Variants in ITPR2 observed in about 807,000 individuals in gnomAD.
ITPR2 encodes inositol 1,4,5-trisphosphate receptor type 2.
Under a neutral mutation model 317.1 loss-of-function variants are expected in ITPR2, and 207 were observed. The observed-to-expected ratio is 0.65, with a 90% CI of 0.58 to 0.73. The LOEUF (loss-of-function observed/expected upper bound fraction) is 0.73. Ranked by LOEUF, ITPR2 falls within the 30% of genes least tolerant of loss-of-function variation. The pLI is 0.00. For synonymous variants in ITPR2, 1,156 were observed against 1,149.1 expected, an observed-to-expected ratio of 1.01 and a Z score of -0.12; for missense variants, 2,613 against 3,284.0, an observed-to-expected ratio of 0.80 and a Z score of 4.99.
intron 2 of ITPR2, among the ~76,000 whole-genome samples, chr12:26,755,535 G>C (rs866655297): frequency 6.6e-6 from 1 of 152,248 alleles, no homozygotes; most frequent in Admixed American, 6.5e-5. Context: ...GTTATTTAAG[G>C]CTTGTAACAA....
intron 55 of ITPR2, among the ~76,000 whole-genome samples, chr12:26,359,951 C>CGTGCCCACTTTTTA (rs1412734336): frequency 1.3e-5 from 2 of 152,172 alleles, no homozygotes; most frequent in Non-Finnish European, 2.9e-5. Context: ...TTCGCCTCTA[C>CGTGCCCACTTTTTA]GTGCCCACTT....
chr12:26,602,678 T>C lies in ITPR2; in HGVS notation c.3491A>G (p.Asp1164Gly), dbSNP rs1323160881. The change falls in exon 27 of 57, where the codon GAT becomes GGT. Residue 1164 changes from aspartate (D) to glycine (G), a missense_variant. This residue lies in a region of ITPR2 where 817 missense variants were observed against 897.6 expected (regional missense o/e 0.91). Transcript: ENST00000381340. ...EESNILSPVQ[D>G]GTKKPQIDSN... ...GTCAATCTGAGGTTTCTTTGTTCCA[T>C]CCTGCACTGGACTTAAAATGTTTGA... 6.2e-7 allele frequency: 1 copy of C among 1,607,830 alleles called. No individual in the cohort carries two copies. The highest frequency in any genetic ancestry group is 1.7e-5 in the Admixed American group (1 of 59,918).
At chr12:26,622,526 C>A in intron 24 of ITPR2, 121 bp from the exon 25 acceptor site, 1 of 706,166 alleles carries the variant, frequency 1.4e-6, no homozygotes, top group Non-Finnish European at 2.2e-6. Flanking sequence ...AGGAAGTGAA[C>A]AGGAAAACAT....
chr12:26,465,867 A>C (rs1942159324), intron 45 of ITPR2, among the ~76,000 whole-genome samples: 1 of 152,158 alleles, frequency 6.6e-6, no homozygotes, highest in African/African-American at 2.4e-5. Context: ...ATGTGGTCTC[A>C]AGGAGGGAGA....
Position 26,475,415 on chromosome 12 carries a change from C to A in ITPR2, c.6223G>T (p.Asp2075Tyr). 1 of 1,605,932 alleles carries A rather than the reference C, an allele frequency of 6.2e-7. No homozygotes were observed. Among genetic ancestry groups the A allele is most frequent in the Non-Finnish European group, 8.5e-7 (1 of 1,177,796 alleles). The change falls in exon 45 of 57, where the codon GAT becomes TAT. Residue 2075 changes from aspartate (D) to tyrosine (Y), a missense_variant. Around this residue, in one of 9 missense-constraint regions of ITPR2, gnomAD observed 926 missense variants for 1,072.8 expected, o/e 0.86. Coordinates refer to ENST00000381340, the MANE Select transcript of ITPR2 (RefSeq NM_002223.4). ...LFNMRPRELV[D>Y]VMKNAYNQGL... Reference sequence around the variant, plus strand: ...TGGTTATAGGCATTCTTCATCACATCCACCTATCCAAAAAAAAAAAGAATA... The same window carrying A: ...TGGTTATAGGCATTCTTCATCACATACACCTATCCAAAAAAAAAAAGAATA...
intron 1 of ITPR2, among the ~76,000 whole-genome samples, chr12:26,814,922 A>C (rs1950824133): frequency 6.6e-6 from 1 of 152,020 alleles, no homozygotes; most frequent in African/African-American, 2.4e-5. Flanking sequence ...GTTACTATTT[A>C]AAATTTGACA....
rs186999828 is a variant in ITPR2, at chr12:26,346,515, C to T, written c.7858-6187G>A. Among the ~76,000 whole-genome samples, 472 of 151,720 alleles carry T rather than the reference C, an allele frequency of 3.1e-3. 4 individuals carry two copies. The Middle Eastern group carries it at 0.034, about 11-fold the overall frequency. ...GCGGGCACCTGTAATCCCAGCTACT[C>T]GAGAAGCTGAGGCAGGAGAATCGCT... On this transcript the variant is annotated intron_variant, in intron 55 of 56. Transcript: ENST00000381340.
Position 26,483,864 on chromosome 12 carries a change from T to C in ITPR2, c.5846A>G (p.Tyr1949Cys), listed in dbSNP as rs1942600239. The stretch of plus-strand genomic sequence containing the variant: ...CTGAAGGGTCTCACAGACTAGGTTG[T>C]AATTTGTTTTGTTGTTTTGATTCCT... ...FLRNQNNKTN[Y>C]NLVCETLQFL... Residue 1949 changes from tyrosine to cysteine, a missense_variant, in exon 42 of 57, where the codon TAC becomes TGC. Coordinates refer to ENST00000381340, the MANE Select transcript of ITPR2 (RefSeq NM_002223.4). The C allele has an allele frequency of 6.2e-7, 1 of 1,614,222 alleles. No homozygotes were observed. The highest frequency in any genetic ancestry group is 8.5e-7 in the Non-Finnish European group (1 of 1,180,026).
At chr12:26,451,534 T>C (rs1453526616) in intron 45 of ITPR2, among the ~76,000 whole-genome samples, 2 of 152,144 alleles carry the variant, frequency 1.3e-5, no homozygotes, top group Non-Finnish European at 2.9e-5. Flanking sequence ...GTAAGTTATA[T>C]TTATCTATTA....
intron 2 of ITPR2, among the ~76,000 whole-genome samples, chr12:26,785,936 C>CCG: frequency 3.7e-5 from 2 of 54,012 alleles, no homozygotes; most frequent in Non-Finnish European, 4.3e-5. Flanking sequence ...CCGGCCAGGA[C>CCG]CCCGTCTGGG....
Position 26,833,016 on chromosome 12 carries a change from AG to A in ITPR2, c.-236del. The A allele has an allele frequency of 2.1e-6, 1 of 484,684 alleles. No homozygotes were observed. The highest frequency in any genetic ancestry group is 3.6e-6 in the Non-Finnish European group (1 of 279,034). The allele number at this position is 484,684 out of a possible 1,614,324, so 30.0% of individuals were successfully genotyped here. ...GGACACCCCGCGAAGAGCGCAGCCC[AG>A]GCGCCCAGAGAAGCCGCAGCCGCCG... On this transcript the variant is annotated 5_prime_UTR_variant, in exon 1 of 57. Coordinates refer to ENST00000381340, the MANE Select transcript of ITPR2 (RefSeq NM_002223.4).
chr12:26,577,727 T>G (rs1945309850), intron 34 of ITPR2, among the ~76,000 whole-genome samples: 1 of 152,210 alleles, frequency 6.6e-6, no homozygotes, highest in Non-Finnish European at 1.5e-5. Context: ...TCACTAAATT[T>G]TGTTAATATA....
intron 26 of ITPR2, among the ~76,000 whole-genome samples, chr12:26,607,177 C>G (rs1044733141): frequency 3.3e-5 from 5 of 152,150 alleles, no homozygotes; most frequent in African/African-American, 1.2e-4. Flanking sequence ...TTCTGCTCAC[C>G]ATCTGTACTG....
At chr12:26,592,749 T>C (rs1338631218) in intron 32 of ITPR2, among the ~76,000 whole-genome samples, 3 of 152,252 alleles carry the variant, frequency 2.0e-5, no homozygotes, top group East Asian at 1.9e-4. Context: ...TATAAATCAG[T>C]TCTTCCAGAA....
At chr12:26,818,292 C>G (rs1473156197) in intron 1 of ITPR2, among the ~76,000 whole-genome samples, 1 of 152,200 alleles carries the variant, frequency 6.6e-6, no homozygotes. Context: ...GTTCTTCATT[C>G]AGATTCTCCA....
intron 21 of ITPR2, among the ~76,000 whole-genome samples, chr12:26,635,261 C>T (rs962162853): frequency 6.6e-6 from 1 of 152,200 alleles, no homozygotes; most frequent in Non-Finnish European, 1.5e-5. Flanking sequence ...CTAGCAGCTA[C>T]ATGAATTTAT....
Position 26,715,451 on chromosome 12 carries a change from A to G in ITPR2, c.709-6T>C. On this transcript the variant is annotated splice_region_variant and splice_polypyrimidine_tract_variant and intron_variant, in intron 7 of 56. Transcript: ENST00000381340. Reference sequence around the variant, plus strand: ...AATAATCTAACAACGTCCCCCTAGCAAAAAGGTCAAGAGACATCTGAACAA... The same window carrying G: ...AATAATCTAACAACGTCCCCCTAGCGAAAAGGTCAAGAGACATCTGAACAA... The G allele has an allele frequency of 1.9e-6, 3 of 1,611,526 alleles. No individual in the cohort carries two copies. The highest frequency in any genetic ancestry group is 2.2e-5 in the East Asian group (1 of 44,840).
intron 9 of ITPR2, among the ~76,000 whole-genome samples, chr12:26,708,228 C>T (rs141541577): frequency 9.2e-5 from 14 of 152,218 alleles, no homozygotes; most frequent in African/African-American, 3.4e-4. Context: ...CCATATGATC[C>T]GGCAATCCTA....
At chr12:26,436,372 C>A (rs1389525559) in intron 47 of ITPR2, 26 bp from the exon 48 acceptor site, 1 of 1,592,948 alleles carries the variant, frequency 6.3e-7, no homozygotes, top group East Asian at 2.3e-5. Flanking sequence ...TGTAAAGGAA[C>A]TGAACAGGAA....
Sources: gnomAD v4.1 joint callset for allele counts (sites outside exome capture counted in the v4.1 genomes callset) on GRCh38, gnomAD v4.1.1 for gene constraint, gnomAD v4.1.1 regional missense constraint, MANE v1.5 for transcripts, NCBI Gene and HGNC (gene_info 2026-07-23, HGNC 2026-07-21) for gene names.